The following ENAH variants were observed in gnomAD, a reference collection of about 807,000 sequenced individuals.
ENAH encodes the protein protein enabled homolog.
A neutral mutation model predicts 78.7 loss-of-function variants in ENAH; 23 were observed. The ratio of observed to expected loss-of-function variants is 0.29; its 90% CI spans 0.21 to 0.41. The LOEUF (loss-of-function observed/expected upper bound fraction) is 0.41. Ranked by LOEUF, ENAH falls within the 10% of genes least tolerant of loss-of-function variation. The pLI is 1.00. For synonymous variants in ENAH, 226 were observed against 241.0 expected (o/e 0.94, Z 0.58); for missense variants, 544 against 691.0 (o/e 0.79, Z 2.39).
intron 1 of ENAH, among the ~76,000 whole-genome samples, chr1:225,589,313 AAT>A (rs986162489): frequency 6.6e-6 from 1 of 152,176 alleles, no homozygotes; most frequent in African/African-American, 2.4e-5. Context: ...AAAAGGAAAA[AAT>A]ATATATAAGC....
chr1:225,641,348 C>T (rs1269700273), intron 1 of ENAH, among the ~76,000 whole-genome samples: 1 of 139,616 alleles, frequency 7.2e-6, no homozygotes, highest in African/African-American at 2.6e-5. Flanking sequence ...ACCCATTAAA[C>T]TAGAAACTAA....
At chr1:225,533,061 C>T (rs1299048295) in intron 3 of ENAH, among the ~76,000 whole-genome samples, 1 of 151,984 alleles carries the variant, frequency 6.6e-6, no homozygotes, top group Non-Finnish European at 1.5e-5. Context: ...TACATTTAAT[C>T]TGGTTGTTCT....
intron 1 of ENAH, among the ~76,000 whole-genome samples, chr1:225,568,601 T>C (rs2096746243): frequency 6.6e-6 from 1 of 152,246 alleles, no homozygotes; most frequent in Admixed American, 6.5e-5. Context: ...GCTTATTCTA[T>C]CAATTTTATC....
At chr1:225,522,770 A>G (rs1165334917) in intron 4 of ENAH, among the ~76,000 whole-genome samples, 2 of 152,224 alleles carry the variant, frequency 1.3e-5, no homozygotes, top group Admixed American at 1.3e-4. Flanking sequence ...TGTTGGGCCC[A>G]AAGGGCAAAA....
At chr1:225,624,081 A>G (rs74577239) in intron 1 of ENAH, among the ~76,000 whole-genome samples, 2,404 of 152,318 alleles carry the variant, frequency 0.016, 79 homozygotes, top group African/African-American at 0.054. Flanking sequence ...TGCAAAGAAC[A>G]TGATTTTGTT....
intron 3 of ENAH, among the ~76,000 whole-genome samples, chr1:225,533,800 T>C (rs920954138): frequency 6.6e-6 from 1 of 152,164 alleles, no homozygotes; most frequent in South Asian, 2.1e-4. Context: ...TTCCACTTAC[T>C]GTCACATTTT....
intron 1 of ENAH, among the ~76,000 whole-genome samples, chr1:225,594,573 C>T (rs1448676018): frequency 6.6e-6 from 1 of 152,146 alleles, no homozygotes; most frequent in African/African-American, 2.4e-5. Flanking sequence ...CACTCTATTA[C>T]GATGATTTGT....
intron 1 of ENAH, chr1:225,581,266 C>T: frequency 1.9e-5 from 19 of 984,346 alleles, no homozygotes; most frequent in Non-Finnish European, 2.3e-5. Flanking sequence ...TCCTGTAGTT[C>T]TTCTTTTCCT....
rs561582581 is a variant in ENAH at position 225,635,443 on chromosome 1, G to A, written c.5+17243C>T. On this transcript the variant is annotated intron_variant, in intron 1 of 13. Coordinates refer to ENST00000366843, the MANE Select transcript of ENAH (RefSeq NM_018212.6). The stretch of plus-strand genomic sequence containing the variant: ...TGTACCCTGCAACTTTGCTGAAGTC[G>A]TTCATTAGCTCCAGCTGCTTTACTG... Among the ~76,000 whole-genome samples, 3 of 152,252 alleles carry A rather than the reference G, an allele frequency of 2.0e-5. No homozygotes were observed. The South Asian group carries it at 6.2e-4, about 32-fold the overall frequency.
At chr1:225,528,399 A>G (rs1172427211) in intron 4 of ENAH, among the ~76,000 whole-genome samples, 2 of 152,162 alleles carry the variant, frequency 1.3e-5, no homozygotes, top group Middle Eastern at 3.2e-3. Flanking sequence ...GTACACAGAG[A>G]CAGTCATGAG....
intron 4 of ENAH, among the ~76,000 whole-genome samples, chr1:225,529,924 A>C (rs2096529683): frequency 6.6e-6 from 1 of 152,188 alleles, no homozygotes; most frequent in African/African-American, 2.4e-5. Flanking sequence ...CTGTTCTCTA[A>C]AGAAACTGAA....
intron 9 of ENAH, 67 bp from the exon 10 acceptor site, chr1:225,511,926 T>G: frequency 9.8e-7 from 1 of 1,019,972 alleles, no homozygotes; most frequent in Non-Finnish European, 1.5e-6. Context: ...ATTTAGTGTT[T>G]TACACGAACA....
At chr1:225,630,018 T>C (rs1453764815) in intron 1 of ENAH, among the ~76,000 whole-genome samples, 1 of 152,030 alleles carries the variant, frequency 6.6e-6, no homozygotes, top group Non-Finnish European at 1.5e-5. Context: ...AGAAACAAAC[T>C]GAAAAAGGAA....
chr1:225,607,216 G>T (rs929596279), intron 1 of ENAH, among the ~76,000 whole-genome samples: 2 of 151,990 alleles, frequency 1.3e-5, no homozygotes, highest in Non-Finnish European at 2.9e-5. Context: ...TAACAACAAC[G>T]ACAGCTGATG....
intron 2 of ENAH, among the ~76,000 whole-genome samples, chr1:225,559,395 G>C (rs1156479395): frequency 6.6e-6 from 1 of 152,172 alleles, no homozygotes; most frequent in Non-Finnish European, 1.5e-5. Context: ...TGGTATATAT[G>C]TCAATTAGGC....
chr1:225,507,852 C>G (rs2096346081), intron 11 of ENAH, 99 bp downstream of exon 11: 2 of 781,400 alleles, frequency 2.6e-6, no homozygotes, highest in South Asian at 4.0e-5. Context: ...ATGGGCTCCT[C>G]TGTATAATTT....
chr1:225,516,071 A>T (rs1377259556), intron 6 of ENAH, among the ~76,000 whole-genome samples: 1 of 152,210 alleles, frequency 6.6e-6, no homozygotes, highest in Non-Finnish European at 1.5e-5. Context: ...ATCATATTTT[A>T]AAAACTAGGG....
intron 1 of ENAH, 45 bp downstream of exon 1, chr1:225,652,641 C>A: frequency 7.9e-7 from 1 of 1,263,992 alleles, no homozygotes; most frequent in Non-Finnish European, 1.0e-6. Flanking sequence ...TCGCGGCTCC[C>A]GCGGCACAAT....
chr1:225,651,341 GAT>G (rs1175331717), intron 1 of ENAH, among the ~76,000 whole-genome samples: 1 of 149,908 alleles, frequency 6.7e-6, no homozygotes, highest in Non-Finnish European at 1.5e-5. Flanking sequence ...ATTCAACAAA[GAT>G]ATATCACAAT....
Sources: allele counts gnomAD v4.1 joint callset (sites outside exome capture counted in the v4.1 genomes callset), GRCh38; gene constraint gnomAD v4.1.1; transcripts MANE v1.5; gene names NCBI Gene and HGNC (gene_info 2026-07-23, HGNC 2026-07-21).